Variants in ZNF831 observed in about 807,000 individuals in gnomAD.
ZNF831 encodes zinc finger protein 831.
ZNF831 carries 59 observed loss-of-function variants against 95.8 expected under a neutral mutation model. The observed-to-expected ratio is 0.62, with a 90% CI of 0.50 to 0.77. ZNF831 has a LOEUF of 0.77. Among genes scored for constraint, ZNF831 ranks in the 30% least tolerant of loss-of-function variants. The pLI is 0.00. For synonymous variants in ZNF831, 961 were observed against 925.5 expected (o/e 1.04, Z -0.70); for missense variants, 2,205 against 2,164.0 (o/e 1.02, Z -0.38).
intron 3 of ZNF831, among the ~76,000 whole-genome samples, chr20:59,197,624 CT>C (rs1296109251): frequency 2.0e-5 from 3 of 152,152 alleles, no homozygotes; most frequent in Admixed American, 2.0e-4. Flanking sequence ...TGGGGCTTTC[CT>C]TTCCAGCGTC....
intron 1 of ZNF831, among the ~76,000 whole-genome samples, chr20:59,141,367 T>A (rs557130369): frequency 6.6e-6 from 1 of 152,380 alleles, no homozygotes; most frequent in Non-Finnish European, 1.5e-5. Flanking sequence ...TGATCCATTT[T>A]GAATTACTTT....
chr20:59,176,135 C>A (rs1982142505), intron 1 of ZNF831, among the ~76,000 whole-genome samples: 1 of 152,078 alleles, frequency 6.6e-6, no homozygotes, highest in African/African-American at 2.4e-5. Context: ...CAGGACTTGG[C>A]AAGGAAAAGG....
At chr20:59,163,561 C>T (rs11906657), upstream of ZNF831, among the ~76,000 whole-genome samples, 3 of 152,280 alleles carry the variant, frequency 2.0e-5, no homozygotes, top group East Asian at 3.9e-4. Flanking sequence ...TCCAGGAAAA[C>T]GACCACCTAG....
In ZNF831 at chr20:59,258,940, G is replaced by A. The variant is rs1988298887; in HGVS notation, c.*4197G>A. The A allele has an allele frequency of 6.6e-6, 1 of 152,162 alleles. No individual in the cohort carries two copies. 9.4% of individuals were successfully genotyped at this position (152,162 alleles called of 1,614,324 possible). On this transcript the variant is annotated 3_prime_UTR_variant, in exon 6 of 6. Coordinates refer to ENST00000371030, the MANE Select transcript of ZNF831 (RefSeq NM_178457.3). ...GAAAAACATCAGCCTCTGCCACTTG[G>A]AGCACTAGAGGATGACGGAATGTCT...
chr20:59,136,080 T>G (rs1979501132), intron 1 of ZNF831, among the ~76,000 whole-genome samples: 1 of 152,194 alleles, frequency 6.6e-6, no homozygotes, highest in African/African-American at 2.4e-5. Context: ...GTTGGGGGAC[T>G]GAGGTCCCTG....
At chr20:59,244,146 A>T (rs1987478303) in intron 4 of ZNF831, among the ~76,000 whole-genome samples, 1 of 151,340 alleles carries the variant, frequency 6.6e-6, no homozygotes, top group Admixed American at 6.6e-5. Flanking sequence ...GAAAGAGAAG[A>T]CGAATGAGAA....
In ZNF831 at chr20:59,193,600, G is replaced by C. The variant is rs61743779; in HGVS notation, c.2581G>C (p.Asp861His). 3.7e-6 allele frequency: 6 copies of C among 1,611,814 alleles called. No individual in the cohort carries two copies. In the African/African-American group the frequency reaches 5.3e-5, roughly 14 times the overall value. ...TTTGTCATCCCAGAAGCAGGATGCCGATCCCGGGGAGGTGCCAGGGGGCTC... is the reference window on the plus strand; with the variant it reads ...TTTGTCATCCCAGAAGCAGGATGCCCATCCCGGGGAGGTGCCAGGGGGCTC... Reference protein sequence around the residue: ...ASLSSQKQDADPGEVPGGSKE... With the variant: ...ASLSSQKQDAHPGEVPGGSKE... Residue 861 changes from aspartate to histidine, a missense_variant, in exon 2 of 6, where the codon GAT becomes CAT. By Grantham distance (81) the Asp-to-His change is moderately conservative. Coordinates refer to ENST00000371030, the MANE Select transcript of ZNF831 (RefSeq NM_178457.3).
intron 2 of ZNF831, among the ~76,000 whole-genome samples, chr20:59,150,567 T>C (rs892056217): frequency 2.6e-5 from 4 of 152,196 alleles, no homozygotes; most frequent in East Asian, 1.9e-4. Context: ...AACCATAGCA[T>C]AGGGGACCCA....
At chr20:59,143,931 T>C (rs1979758875) in intron 1 of ZNF831, among the ~76,000 whole-genome samples, 1 of 152,220 alleles carries the variant, frequency 6.6e-6, no homozygotes, top group Non-Finnish European at 1.5e-5. Context: ...GCCACTTTAA[T>C]GGATTCTATA....
In ZNF831 at chr20:59,190,970, G is replaced by A. The variant is rs372224136; in HGVS notation, c.-36-14G>A. ...GGAGAGGTGCCCATGGTAAAGTTTG[G>A]TTGTTGTCTGCAGGTTTTCCAGCAT... On this transcript the variant is annotated splice_polypyrimidine_tract_variant and intron_variant, in intron 1 of 5. Transcript: ENST00000371030. The A allele has an allele frequency of 6.8e-7, 1 of 1,462,852 alleles. No homozygotes were observed. The highest frequency in any genetic ancestry group is 9.0e-7 in the Non-Finnish European group (1 of 1,116,514). The allele number at this position is 1,462,852 out of a possible 1,614,324, so 90.6% of individuals were successfully genotyped here. A position where few individuals can be genotyped will look rare whatever the true frequency, so the allele number is the denominator to read the frequency against.
At chr20:59,182,513 G>C (rs1982698550) in intron 1 of ZNF831, among the ~76,000 whole-genome samples, 1 of 151,976 alleles carries the variant, frequency 6.6e-6, no homozygotes, top group African/African-American at 2.4e-5. Flanking sequence ...AAGAAGACAG[G>C]GGACGGGGAT....
At position 59,193,220 on chromosome 20, in the gene ZNF831, T is replaced by A; in HGVS notation, c.2201T>A (p.Leu734Gln). Residue 734 changes from leucine to glutamine, a missense_variant, in exon 2 of 6, where the codon CTG becomes CAG. By Grantham distance (113) the Leu-to-Gln change is moderately radical. Transcript: ENST00000371030. ...GAAGAGGCTGTGTCATCCCCTGCAC[T>A]GGGTGGCAGAGACAGTCCCTGTTCA... ...RVEEAVSSPALGGRDSPCSGS... is the reference protein window; with the variant it reads ...RVEEAVSSPAQGGRDSPCSGS... 1.3e-6 allele frequency: 2 copies of A among 1,592,754 alleles called. No individual in the cohort carries two copies. The highest frequency in any genetic ancestry group is 3.5e-5 in the Admixed American group (2 of 57,002).
intron 4 of ZNF831, among the ~76,000 whole-genome samples, chr20:59,244,408 G>A (rs939745999): frequency 2.0e-5 from 3 of 152,206 alleles, no homozygotes; most frequent in Non-Finnish European, 4.4e-5. Context: ...TAAGAGGACT[G>A]ATTTGACTTT....
intron 4 of ZNF831, among the ~76,000 whole-genome samples, chr20:59,234,021 T>G (rs776163250): frequency 6.6e-6 from 1 of 152,238 alleles, no homozygotes; most frequent in Admixed American, 6.5e-5. Context: ...TTTTCTACTA[T>G]GGGCTTTTAG....
At chr20:59,142,420 G>T (rs961769413) in intron 1 of ZNF831, among the ~76,000 whole-genome samples, 1 of 152,160 alleles carries the variant, frequency 6.6e-6, no homozygotes, top group Non-Finnish European at 1.5e-5. Flanking sequence ...TCCGTGAAAG[G>T]CCTGAATCTG....
intron 4 of ZNF831, among the ~76,000 whole-genome samples, chr20:59,251,976 TAGAG>T (rs766016233): frequency 2.6e-5 from 4 of 152,000 alleles, no homozygotes; most frequent in Non-Finnish European, 5.9e-5. Context: ...GTTGAGAAGA[TAGAG>T]AGGTGGAATG....
chr20:59,214,668 AG>A (rs1278158571), intron 4 of ZNF831, among the ~76,000 whole-genome samples: 3 of 152,258 alleles, frequency 2.0e-5, no homozygotes, highest in African/African-American at 7.2e-5. Flanking sequence ...CTCTTGTGTC[AG>A]TTTTCCATTA....
chr20:59,167,313 G>T (rs6026743), intron 1 of ZNF831, among the ~76,000 whole-genome samples: 17,573 of 151,100 alleles, frequency 0.12, 1,075 homozygotes, highest in African/African-American at 0.14. Context: ...AATTTTCATA[G>T]TTCTGTATAG....
At chr20:59,176,359 T>A (rs1425772036) in intron 1 of ZNF831, among the ~76,000 whole-genome samples, 2 of 152,222 alleles carry the variant, frequency 1.3e-5, no homozygotes, top group Non-Finnish European at 2.9e-5. Flanking sequence ...GATTTGGGGA[T>A]GTGATGGCCT....
Sources: gnomAD v4.1 joint callset for allele counts (sites outside exome capture counted in the v4.1 genomes callset) on GRCh38, gnomAD v4.1.1 for gene constraint, MANE v1.5 for transcripts, NCBI Gene and HGNC (gene_info 2026-07-23, HGNC 2026-07-21) for gene names.